Variants in TMX3 observed in about 807,000 individuals in gnomAD.
The protein encoded by TMX3 is protein disulfide-isomerase TMX3.
Under a neutral mutation model 64.4 loss-of-function variants are expected in TMX3, and 40 were observed. The ratio of observed to expected loss-of-function variants is 0.62; its 90% confidence interval spans 0.48 to 0.81. The LOEUF is 0.81. TMX3 is among the 30% of genes least tolerant of loss of function. TMX3 has a pLI of 0.00. For missense variants in TMX3, 497 were observed against 534.5 expected (o/e 0.93, Z 0.69); for synonymous variants, 189 against 175.7 (o/e 1.08, Z -0.60).
intron 4 of TMX3, among the ~76,000 whole-genome samples, chr18:68,705,764 A>T (rs1412445220): frequency 2.0e-5 from 3 of 152,212 alleles, no homozygotes; most frequent in African/African-American, 7.2e-5. Context: ...TATTAGTTAA[A>T]TCCATGCATC....
chr18:68,684,240 C>T lies in TMX3; in HGVS notation c.798G>A (p.Leu266=). The T allele has an allele frequency of 6.2e-7, 1 of 1,611,254 alleles. No homozygotes were observed. Among genetic ancestry groups the T allele is most frequent in the South Asian group, 1.1e-5 (1 of 90,814 alleles). The change falls in exon 12 of 16, where the codon TTG becomes TTA. Residue 266 remains leucine (L), a synonymous_variant. Transcript: ENST00000299608. ...TTGCAACTTCCTGAATAATTGACTT[C>T]AATCTGTAGAAGAACAAACATATGA... is the stretch of plus-strand genomic sequence containing the variant. ...EKNTSVEHTR[L]KSIIQEVARD...
chr18:68,678,795 T>C (rs1422294268), intron 15 of TMX3, among the ~76,000 whole-genome samples: 1 of 152,036 alleles, frequency 6.6e-6, no homozygotes, highest in Non-Finnish European at 1.5e-5. Context: ...ATATTCTACT[T>C]ACATATAACA....
In TMX3 at chr18:68,681,038, A is replaced by C. The variant is rs1913371242; in HGVS notation, c.978T>G (p.Ile326Met). The C allele has an allele frequency of 6.2e-7, 1 of 1,602,822 alleles. No homozygotes were observed. The highest frequency in any genetic ancestry group is 1.1e-5 in the South Asian group (1 of 88,078). Residue 326 changes from isoleucine to methionine, a missense_variant, in exon 14 of 16, where the codon ATT (isoleucine) becomes ATG (methionine). Ile to Met is a conservative substitution (Grantham distance 10). Coordinates refer to ENST00000299608, the MANE Select transcript of TMX3 (RefSeq NM_019022.5). The part of the protein sequence containing the change: ...NQQYFLLDRQ[I>M]KNVEDMVQFI... ...ACTGGACCATGTCTTCAACATTCTT[A>C]ATCTGTCTATCTAGCAAGAAATATT...
rs779556265 is a variant in TMX3, at chr18:68,691,300, TAAAC to T, written c.628_631del (p.Val210MetfsTer56). On this transcript the variant is annotated frameshift_variant, in exon 9 of 16. Transcript: ENST00000299608. LOFTEE classifies it high-confidence loss of function. Reference sequence around the variant, plus strand: ...GTTAAAGATTTGGAACTTACCATCATAAACAAAGTAAGTTTCATCTTTGAAAACA... The same window carrying T: ...GTTAAAGATTTGGAACTTACCATCATAAAGTAAGTTTCATCTTTGAAAACA... The T allele has an allele frequency of 6.3e-6, 10 of 1,582,480 alleles. No homozygotes were observed. Among genetic ancestry groups the T allele is most frequent in the Non-Finnish European group, 7.8e-6 (9 of 1,160,904 alleles).
chr18:68,699,123 C>T (rs1263152065), intron 6 of TMX3, among the ~76,000 whole-genome samples: 2 of 151,786 alleles, frequency 1.3e-5, no homozygotes, highest in African/African-American at 4.8e-5. Context: ...ATAAAAAGAA[C>T]ATAGAAAGGC....
chr18:68,691,397 C>G (rs1204328102), intron 8 of TMX3, 36 bp from the exon 9 acceptor site: 9 of 1,320,666 alleles, frequency 6.8e-6, no homozygotes, highest in Non-Finnish European at 8.1e-6. Flanking sequence ...ACTTTTATCA[C>G]TAAAAAATTC....
chr18:68,688,440 T>C (rs940026865), intron 9 of TMX3: 1 of 152,190 alleles, frequency 6.6e-6, no homozygotes, highest in Non-Finnish European at 1.5e-5. Context: ...AGAGAAATAT[T>C]ACATCCTAAT....
chr18:68,683,261 C>G (rs1281026360), intron 12 of TMX3, among the ~76,000 whole-genome samples: 1 of 151,962 alleles, frequency 6.6e-6, no homozygotes, highest in Non-Finnish European at 1.5e-5. Flanking sequence ...AGGGAAATAT[C>G]AGCTATTCTA....
At position 68,687,669 on chromosome 18, in the gene TMX3, G is replaced by A. The variant is rs1454137701; in HGVS notation, c.734C>T (p.Thr245Ile). 1.2e-6 allele frequency: 2 copies of A among 1,606,118 alleles called. No individual in the cohort carries two copies. The highest frequency in any genetic ancestry group is 2.2e-5 in the East Asian group (1 of 44,526). The change falls in exon 10 of 16, where the codon ACA (threonine) becomes ATA (isoleucine). Residue 245 changes from threonine to isoleucine, a missense_variant and splice_region_variant. By Grantham distance (89) the Thr-to-Ile change is moderately conservative. Transcript: ENST00000299608. ...DGFLLYELGD[T>I]GKLVALAVID... Reference sequence around the variant, plus strand: ...AGACTTGTACATATGCTTGTTACCTGTGTCTCCAAGTTCATACAAGAGGAA... The same window carrying A: ...AGACTTGTACATATGCTTGTTACCTATGTCTCCAAGTTCATACAAGAGGAA...
chr18:68,690,829 A>G (rs530799132), intron 9 of TMX3, among the ~76,000 whole-genome samples: 144 of 152,324 alleles, frequency 9.5e-4, no homozygotes, highest in African/African-American at 3.3e-3. Flanking sequence ...TTAAAAACAG[A>G]CCAAGCATTA....
chr18:68,696,945 T>C (rs1176701515), intron 8 of TMX3: 2 of 268,024 alleles, frequency 7.5e-6, no homozygotes, highest in South Asian at 4.8e-5. Context: ...ATTTAGGAGT[T>C]TGAGGTATCA....
Position 68,675,020 on chromosome 18 carries a change from A to G in TMX3, c.*1913T>C, listed in dbSNP as rs1401500851. 4 of 152,158 alleles carry G rather than the reference A, an allele frequency of 2.6e-5. No homozygotes were observed. The highest frequency in any genetic ancestry group is 5.9e-5 in the Non-Finnish European group (4 of 67,988). 9.4% of individuals were successfully genotyped at this position (152,158 alleles called of 1,614,324 possible). A position where few individuals can be genotyped will look rare whatever the true frequency, so the allele number is the denominator to read the frequency against. The stretch of plus-strand genomic sequence containing the variant: ...TTACAGGTAATGATCAACAAGACAA[A>G]AATATGTAAATGACTAATTATAAAT... On this transcript the variant is annotated 3_prime_UTR_variant, in exon 16 of 16. Transcript: ENST00000299608.
chr18:68,707,088 G>A (rs2030748369), intron 4 of TMX3, among the ~76,000 whole-genome samples: 2 of 152,086 alleles, frequency 1.3e-5, no homozygotes, highest in Admixed American at 6.6e-5. Context: ...GCTCAATGAT[G>A]TATCACCAGT....
chr18:68,708,035 GTATATATGTGTATATATATGTGTA>G (rs756773306), intron 4 of TMX3, among the ~76,000 whole-genome samples: 3 of 145,504 alleles, frequency 2.1e-5, no homozygotes, highest in South Asian at 2.1e-4. Context: ...GTGTATATGT[GTATATATGTGTATATATATGTGTA>G]TATATATGTG....
Position 68,684,245 on chromosome 18 carries a change from T to C in TMX3, c.795-2A>G. ...ACTTCCTGAATAATTGACTTCAATC[T>C]GTAGAAGAACAAACATATGAATAGT... On this transcript the variant is annotated splice_acceptor_variant, in intron 11 of 15. Transcript: ENST00000299608. LOFTEE classifies it high-confidence loss of function. 2 of 1,610,730 alleles carry C rather than the reference T, an allele frequency of 1.2e-6. No individual in the cohort carries two copies. Among genetic ancestry groups the C allele is most frequent in the Non-Finnish European group, 1.7e-6 (2 of 1,177,484 alleles).
chr18:68,687,763 A>G lies in TMX3; in HGVS notation c.640T>C (p.Tyr214His), dbSNP rs749601299. 1 of 1,605,272 alleles carries G rather than the reference A, an allele frequency of 6.2e-7. No individual in the cohort carries two copies. The highest frequency in any genetic ancestry group is 1.7e-5 in the Admixed American group (1 of 57,544). ...CATGATGACAGATCACCATCTTCAT[A>G]CTCTTAAAACCAAGACAAAGTTGAC... Reference protein sequence around the residue: ...KDETYFVYDEYEDGDLSSWIN... With the variant: ...KDETYFVYDEHEDGDLSSWIN... The change falls in exon 10 of 16, where the codon TAT becomes CAT. Residue 214 changes from tyrosine to histidine, a missense_variant and splice_region_variant. Coordinates refer to ENST00000299608, the MANE Select transcript of TMX3 (RefSeq NM_019022.5).
At chr18:68,711,542 C>T in intron 2 of TMX3, 139 bp from the exon 3 acceptor site, 1 of 490,506 alleles carries the variant, frequency 2.0e-6, no homozygotes, top group Non-Finnish European at 3.6e-6. Context: ...AAAATTTTTA[C>T]TCAGTGACCT....
intron 6 of TMX3, among the ~76,000 whole-genome samples, chr18:68,698,956 A>G (rs1915395819): frequency 6.6e-6 from 1 of 151,424 alleles, no homozygotes; most frequent in South Asian, 2.1e-4. Flanking sequence ...CGGGAGGCGG[A>G]GCTTGCAGTG....
chr18:68,697,097 T>A, intron 8 of TMX3, 129 bp downstream of exon 8: 1 of 565,586 alleles, frequency 1.8e-6, no homozygotes, highest in African/African-American at 1.9e-5. Flanking sequence ...TCCAAACATA[T>A]CACAGTAAAT....
Sources: gnomAD v4.1 joint callset for allele counts (sites outside exome capture counted in the v4.1 genomes callset) on GRCh38, gnomAD v4.1.1 for gene constraint, MANE v1.5 for transcripts, NCBI Gene and HGNC (gene_info 2026-07-23, HGNC 2026-07-21) for gene names.